Variants in ACADSB observed in about 807,000 individuals in gnomAD.
The protein encoded by ACADSB is acyl-CoA dehydrogenase short/branched chain.
ACADSB carries 40 observed loss-of-function variants against 54.1 expected under a neutral mutation model. The ratio of observed to expected loss-of-function variants is 0.74; its 90% CI spans 0.57 to 0.96. The LOEUF (loss-of-function observed/expected upper bound fraction) is 0.96. ACADSB is among the 40% of genes least tolerant of loss of function. The probability of loss-of-function intolerance (pLI) is 0.00; values close to 1 mark genes in which losing one functional copy is unlikely to be tolerated. For synonymous variants in ACADSB, 182 were observed against 182.8 expected (o/e 1.00, Z 0.03); for missense variants, 530 against 510.4 (o/e 1.04, Z -0.37).
intron 8 of ACADSB, among the ~76,000 whole-genome samples, chr10:123,048,588 A>G (rs1255349618): frequency 5.3e-5 from 8 of 152,212 alleles, no homozygotes; most frequent in Non-Finnish European, 2.9e-5. Flanking sequence ...GTTCTTGTGC[A>G]TATAGATAGA....
Position 123,009,037 on chromosome 10 carries a change from G to GC in ACADSB, c.10dup (p.Leu4ProfsTer44). ...GAGAGGCCTGCGGCGAGGATGGAGG[G>GC]CCTGGCAGTGCGGTTGCTGCGCGGC... On this transcript the variant is annotated frameshift_variant, in exon 1 of 11. Coordinates refer to ENST00000358776, the MANE Select transcript of ACADSB (RefSeq NM_001609.4). LOFTEE classifies it high-confidence loss of function. 2 of 1,548,048 alleles carry GC rather than the reference G, an allele frequency of 1.3e-6. No individual in the cohort carries two copies. The highest frequency in any genetic ancestry group is 2.4e-5 in the South Asian group (2 of 84,034).
At position 123,057,289 on chromosome 10, in the gene ACADSB, T is replaced by C. The variant is rs1336111585; in HGVS notation, c.*3524T>C. ...GATCAAGTTCTAATTTGTATGTATA[T>C]TTTGTGCATATTCACCAATAACAGT... On this transcript the variant is annotated 3_prime_UTR_variant, in exon 11 of 11. Coordinates refer to ENST00000358776, the MANE Select transcript of ACADSB (RefSeq NM_001609.4). 6.6e-6 allele frequency: 1 copy of C among 152,250 alleles called. No homozygotes were observed. The highest frequency in any genetic ancestry group is 1.5e-5 in the Non-Finnish European group (1 of 68,038). The allele number at this position is 152,250 out of a possible 1,614,324, so 9.4% of individuals were successfully genotyped here. A position where few individuals can be genotyped will look rare whatever the true frequency, so the allele number is the denominator to read the frequency against.
At chr10:123,032,732 G>A (rs1370040985) in intron 1 of ACADSB, among the ~76,000 whole-genome samples, 1 of 151,928 alleles carries the variant, frequency 6.6e-6, no homozygotes, top group African/African-American at 2.4e-5. Context: ...TGGGATTACA[G>A]GCATGTGCCA....
intron 1 of ACADSB, among the ~76,000 whole-genome samples, chr10:123,024,568 C>T (rs550749643): frequency 1.3e-5 from 2 of 152,374 alleles, no homozygotes; most frequent in Non-Finnish European, 2.9e-5. Flanking sequence ...GGCTTACCAC[C>T]TGGCTGGCTA....
At chr10:123,029,699 G>A (rs1432083252) in intron 1 of ACADSB, among the ~76,000 whole-genome samples, 2 of 152,160 alleles carry the variant, frequency 1.3e-5, no homozygotes, top group African/African-American at 4.8e-5. Context: ...TGCATGCTTT[G>A]TTGACAGGTA....
At position 123,053,782 on chromosome 10, in the gene ACADSB, A is replaced by T; in HGVS notation, c.*17A>T. 2 of 1,606,450 alleles carry T rather than the reference A, an allele frequency of 1.2e-6. No individual in the cohort carries two copies. Among genetic ancestry groups the T allele is most frequent in the Non-Finnish European group, 1.7e-6 (2 of 1,173,056 alleles). On this transcript the variant is annotated 3_prime_UTR_variant, in exon 11 of 11. Coordinates refer to ENST00000358776, the MANE Select transcript of ACADSB (RefSeq NM_001609.4). ...GAATACTGACGTCTATAGGAGTGGG[A>T]CCCCTCCCTGGTGTCACTGCTGTAA...
intron 8 of ACADSB, among the ~76,000 whole-genome samples, chr10:123,050,082 A>G (rs762883628): frequency 1.3e-5 from 2 of 152,226 alleles, no homozygotes; most frequent in Non-Finnish European, 2.9e-5. Context: ...TGTGTGTATC[A>G]CATATTTCAG....
At position 123,053,309 on chromosome 10, in the gene ACADSB, T is replaced by G. The variant is rs993218000; in HGVS notation, c.1228+149T>G. 11 of 667,980 alleles carry G rather than the reference T, an allele frequency of 1.6e-5. No homozygotes were observed. The African/African-American group carries it at 2.0e-4, about 12-fold the overall frequency. 41.4% of individuals were successfully genotyped at this position (667,980 alleles called of 1,614,324 possible). A position where few individuals can be genotyped will look rare whatever the true frequency, so the allele number is the denominator to read the frequency against. On this transcript the variant is annotated intron_variant, in intron 10 of 10. Transcript: ENST00000358776. ...GTGGCTCTATTTATGTGGCTGGATT[T>G]TTTTCTTACCTCGTCCTTCAAAAAA...
At chr10:123,020,875 C>A (rs555672625) in intron 1 of ACADSB, among the ~76,000 whole-genome samples, 1 of 152,130 alleles carries the variant, frequency 6.6e-6, no homozygotes, top group South Asian at 2.1e-4. Context: ...TGATGGCACG[C>A]GGCTGTAATC....
At chr10:123,023,190 C>T (rs1353056338) in intron 1 of ACADSB, among the ~76,000 whole-genome samples, 1 of 152,194 alleles carries the variant, frequency 6.6e-6, no homozygotes, top group Non-Finnish European at 1.5e-5. Flanking sequence ...TTTGTTTTGG[C>T]TGGGTTTATA....
Position 123,013,463 on chromosome 10 carries a change from C to T in ACADSB, c.42+4392C>T, listed in dbSNP as rs958061805. Among the ~76,000 whole-genome samples, 22 of 152,370 alleles carry T rather than the reference C, an allele frequency of 1.4e-4. 1 individual carries two copies. The highest frequency in any genetic ancestry group is 7.8e-4 in the Admixed American group (12 of 15,312). ...CACCCAGTGGATCTTGCACCAGTGC[C>T]GCAGGTGGAGCTGCCTGCCAGTCTC... On this transcript the variant is annotated intron_variant, in intron 1 of 10. Transcript: ENST00000358776.
chr10:123,047,330 T>G (rs1042041574), intron 8 of ACADSB, 32 bp downstream of exon 8: 8 of 1,427,744 alleles, frequency 5.6e-6, no homozygotes, highest in Middle Eastern at 1.7e-4. Context: ...TCTGCTGTGT[T>G]AGACTTCCCC....
chr10:123,055,905 A>G lies in ACADSB; in HGVS notation c.*2140A>G, dbSNP rs1850702080. The G allele has an allele frequency of 6.6e-6, 1 of 152,234 alleles. No individual in the cohort carries two copies. Among genetic ancestry groups the G allele is most frequent in the Non-Finnish European group, 1.5e-5 (1 of 68,058 alleles). The allele number at this position is 152,234 out of a possible 1,614,324, so 9.4% of individuals were successfully genotyped here. A position where few individuals can be genotyped will look rare whatever the true frequency, so the allele number is the denominator to read the frequency against. ...AAGATGCTGCCAGTCTCTTTGCTAAAACACAGCAAGAGTCACCTTTACTCC... is the reference window on the plus strand; with the variant it reads ...AAGATGCTGCCAGTCTCTTTGCTAAGACACAGCAAGAGTCACCTTTACTCC... On this transcript the variant is annotated 3_prime_UTR_variant, in exon 11 of 11. Transcript: ENST00000358776.
rs561766240 is a variant in ACADSB, at chr10:123,057,034, G to A, written c.*3269G>A. 6.5e-6 allele frequency: 1 copy of A among 152,774 alleles called. No individual in the cohort carries two copies. Among genetic ancestry groups the A allele is most frequent in the East Asian group, 1.9e-4 (1 of 5,184 alleles). 9.5% of individuals were successfully genotyped at this position (152,774 alleles called of 1,614,324 possible). ...ACAAAAAGACAGTCATCTGATAAGA[G>A]TATGACATGGATGAAATGCCCTACA... On this transcript the variant is annotated 3_prime_UTR_variant, in exon 11 of 11. Transcript: ENST00000358776.
In ACADSB at chr10:123,051,188, T is replaced by TAAAAAAAAAAAAAAAAAAAAAAAAAGAA; in HGVS notation, c.1128+26_1128+27insAGAAAAAAAAAAAAAAAAAAAAAAAAAA. On this transcript the variant is annotated splice_region_variant and intron_variant, in intron 9 of 10. Transcript: ENST00000358776. ...ATGGCCAAATACTATGCATCAGAGGTAAAAAAAAAAAAAAAAAAAAAAAAG... is the reference window on the plus strand; with the variant it reads ...ATGGCCAAATACTATGCATCAGAGGTAAAAAAAAAAAAAAAAAAAAAAAAAGAAAAAAAAAAAAAAAAAAAAAAAAAAG... The TAAAAAAAAAAAAAAAAAAAAAAAAAGAA allele has an allele frequency of 9.8e-7, 1 of 1,015,738 alleles. No individual in the cohort carries two copies. The highest frequency in any genetic ancestry group is 1.2e-6 in the Non-Finnish European group (1 of 824,600). The allele number at this position is 1,015,738 out of a possible 1,614,324, so 62.9% of individuals were successfully genotyped here.
chr10:123,045,926 A>G (rs1226925193), intron 7 of ACADSB, among the ~76,000 whole-genome samples: 2 of 152,270 alleles, frequency 1.3e-5, no homozygotes, highest in African/African-American at 2.4e-5. Flanking sequence ...CACACGGAGT[A>G]TAACAGTGAA....
intron 7 of ACADSB, among the ~76,000 whole-genome samples, chr10:123,046,591 C>T (rs1370502544): frequency 6.6e-6 from 1 of 152,186 alleles, no homozygotes; most frequent in African/African-American, 2.4e-5. Flanking sequence ...ACCTACTCTA[C>T]TCCCAAGATT....
At chr10:123,015,232 CT>C (rs1850095017) in intron 1 of ACADSB, among the ~76,000 whole-genome samples, 1 of 152,242 alleles carries the variant, frequency 6.6e-6, no homozygotes, top group African/African-American at 2.4e-5. Flanking sequence ...CCGTTGATCT[CT>C]CTCTGGTGCT....
intron 7 of ACADSB, among the ~76,000 whole-genome samples, chr10:123,045,173 T>TA (rs1850544636): frequency 3.4e-5 from 1 of 29,472 alleles, no homozygotes; most frequent in Non-Finnish European, 9.7e-5. Flanking sequence ...ATATATATAT[T>TA]TTTTTTTTTT....
Sources: gnomAD v4.1 joint callset for allele counts (sites outside exome capture counted in the v4.1 genomes callset) on GRCh38, gnomAD v4.1.1 for gene constraint, MANE v1.5 for transcripts, NCBI Gene and HGNC (gene_info 2026-07-23, HGNC 2026-07-21) for gene names.